The following LRRFIP1 variants were observed in gnomAD, a reference collection of about 807,000 sequenced individuals.
LRRFIP1 encodes the protein leucine-rich repeat flightless-interacting protein 1.
A neutral mutation model predicts 104.4 loss-of-function variants in LRRFIP1; 62 were observed. The observed-to-expected ratio is 0.59, with a 90% confidence interval of 0.48 to 0.73. LRRFIP1 has a LOEUF of 0.73. Ranked by LOEUF, LRRFIP1 falls within the 30% of genes least tolerant of loss-of-function variation. LRRFIP1 has a pLI of 0.00. For synonymous variants in LRRFIP1, 300 were observed against 299.0 expected (o/e 1.00, Z -0.03); for missense variants, 796 against 824.5 (o/e 0.97, Z 0.42).
chr2:237,774,192 T>C (rs1303487304), intron 22 of LRRFIP1, 166 bp from the exon 23 acceptor site: 1 of 594,530 alleles, frequency 1.7e-6, no homozygotes, highest in African/African-American at 1.9e-5. Flanking sequence ...TAACCAAGAA[T>C]AGCTTGCTTG....
At chr2:237,628,432 T>C (rs2081899213) in intron 1 of LRRFIP1, among the ~76,000 whole-genome samples, 1 of 119,730 alleles carries the variant, frequency 8.4e-6, no homozygotes, top group Non-Finnish European at 1.9e-5. Context: ...TTTGTACAAA[T>C]GCCTTTTTTT....
rs2094070452 is a variant in LRRFIP1, at chr2:237,711,275, A to G, written c.183+2645A>G. 6.6e-6 allele frequency among the ~76,000 whole-genome samples: 1 copy of G among 152,194 alleles called. No homozygotes were observed. Among genetic ancestry groups the G allele is most frequent in the African/African-American group, 2.4e-5 (1 of 41,450 alleles). On this transcript the variant is annotated intron_variant, in intron 2 of 23. Transcript: ENST00000308482. This position sits in a 1 kb window ranked among gnomAD's most constrained non-coding sequence, Gnocchi z 4.4. ...ATGGTTTGCCTTCTTCAGCATGAGT[A>G]CAGATGTCATTTGCTTAGTAGATGG...
At position 237,766,836 on chromosome 2, in the gene LRRFIP1, G is replaced by C. The variant is rs1186492671; in HGVS notation, c.1460-3107G>C. ...TCCAGTGTAATGACTTTATAGCCAAGCACAGTAATTGATATTACTGTGAAG... is the reference window on the plus strand; with the variant it reads ...TCCAGTGTAATGACTTTATAGCCAACCACAGTAATTGATATTACTGTGAAG... On this transcript the variant is annotated intron_variant, in intron 19 of 23. Coordinates refer to ENST00000308482, the MANE Select transcript of LRRFIP1 (RefSeq NM_001137550.2). The surrounding 1 kb of genome is among the most constrained non-coding windows in gnomAD (Gnocchi z 4.8). Among the ~76,000 whole-genome samples, 1 of 152,206 alleles carries C rather than the reference G, an allele frequency of 6.6e-6. No homozygotes were observed. The highest frequency in any genetic ancestry group is 2.4e-5 in the African/African-American group (1 of 41,448).
intron 20 of LRRFIP1, among the ~76,000 whole-genome samples, chr2:237,771,456 C>G (rs118031066): frequency 6.6e-6 from 1 of 151,502 alleles, no homozygotes; most frequent in South Asian, 2.1e-4. Flanking sequence ...TAAAGTGTAC[C>G]GGAGAATGCA....
intron 23 of LRRFIP1, among the ~76,000 whole-genome samples, chr2:237,775,694 C>T (rs72987103): frequency 0.12 from 17,964 of 152,046 alleles, 1,448 homozygotes; most frequent in East Asian, 0.41. Context: ...ACTAATTAGC[C>T]GGGTGCGGTG....
intron 3 of LRRFIP1, among the ~76,000 whole-genome samples, chr2:237,716,429 T>C (rs1317287267): frequency 6.6e-6 from 1 of 152,238 alleles, no homozygotes; most frequent in African/African-American, 2.4e-5. Context: ...ATTGAATTTT[T>C]AAAAGTATTG....
intron 4 of LRRFIP1, among the ~76,000 whole-genome samples, chr2:237,719,216 A>G (rs967090347): frequency 2.6e-5 from 4 of 152,246 alleles, no homozygotes; most frequent in African/African-American, 7.2e-5. Context: ...AAGTAGATTG[A>G]TTTAAATGGA....
intron 1 of LRRFIP1, among the ~76,000 whole-genome samples, chr2:237,680,767 AGCCCAGGAGTTGGAGACCAACCTGG>A (rs1474754005): frequency 6.6e-6 from 1 of 152,230 alleles, no homozygotes; most frequent in Non-Finnish European, 1.5e-5. Context: ...CCATCACTTG[AGCCCAGGAGTTGGAGACCAACCTGG>A]GCAACATGGT....
intron 11 of LRRFIP1, among the ~76,000 whole-genome samples, chr2:237,746,806 A>C (rs1043351080): frequency 2.0e-5 from 3 of 152,208 alleles, no homozygotes; most frequent in Admixed American, 6.5e-5. Flanking sequence ...GCCCGTGAAC[A>C]CATGGTCTTG....
At position 237,673,924 on chromosome 2, in the gene LRRFIP1, G is replaced by A. The variant is rs540901879; in HGVS notation, c.97-34620G>A. ...GACACTAAGGCTCTGTGCAGAGCGCGTCTACAAACACTGTCTATTGTCTCG... is the reference window on the plus strand; with the variant it reads ...GACACTAAGGCTCTGTGCAGAGCGCATCTACAAACACTGTCTATTGTCTCG... On this transcript the variant is annotated intron_variant, in intron 1 of 23. Transcript: ENST00000308482. Among the ~76,000 whole-genome samples, 7 of 152,028 alleles carry A rather than the reference G, an allele frequency of 4.6e-5. No individual in the cohort carries two copies. In the South Asian group the frequency reaches 1.5e-3, roughly 32 times the overall value.
At chr2:237,772,356 C>T (rs2060715819) in intron 21 of LRRFIP1, 158 bp downstream of exon 21, 1 of 606,396 alleles carries the variant, frequency 1.6e-6, no homozygotes, top group African/African-American at 1.8e-5. Context: ...GGTAGGTAGA[C>T]AGAACAATGG....
At chr2:237,689,698 C>A (rs1575497537) in intron 1 of LRRFIP1, among the ~76,000 whole-genome samples, 1 of 152,194 alleles carries the variant, frequency 6.6e-6, no homozygotes, top group East Asian at 1.9e-4. Flanking sequence ...TGGTGCCCAG[C>A]TTCCTTCCTG....
rs1037313540 is a variant in LRRFIP1, at chr2:237,717,037, A to G, written c.202-725A>G. On this transcript the variant is annotated intron_variant, in intron 3 of 23. Transcript: ENST00000308482. The surrounding 1 kb of genome is among the most constrained non-coding windows in gnomAD (Gnocchi z 4.2). ...TTTTGCAATTTTTTTTTTTTAGCTT[A>G]TCAGCTATCGTTAGTGTAGTTTATG... is the stretch of plus-strand genomic sequence containing the variant. Among the ~76,000 whole-genome samples the G allele has an allele frequency of 3.3e-5, 5 of 151,746 alleles. No homozygotes were observed. In the South Asian group the frequency reaches 8.3e-4, roughly 25 times the overall value.
At chr2:237,739,371 C>G (rs2095347151) in intron 11 of LRRFIP1, 62 bp downstream of exon 11, 5 of 1,383,032 alleles carry the variant, frequency 3.6e-6, no homozygotes, top group Non-Finnish European at 4.0e-6. Flanking sequence ...TTCCCTTATC[C>G]TCCTCTTCCA....
intron 1 of LRRFIP1, among the ~76,000 whole-genome samples, chr2:237,647,752 C>T (rs1477478185): frequency 3.5e-5 from 5 of 141,212 alleles, no homozygotes; most frequent in Admixed American, 6.9e-5. Flanking sequence ...AGCAGGGTCA[C>T]GCCCTGTCAC....
chr2:237,667,365 G>T (rs1201226091), intron 1 of LRRFIP1, among the ~76,000 whole-genome samples: 2 of 152,158 alleles, frequency 1.3e-5, no homozygotes, highest in Non-Finnish European at 2.9e-5. Flanking sequence ...CTTCATCCAT[G>T]TCCCTGCAAA....
At chr2:237,727,086 G>A (rs149159076) in intron 7 of LRRFIP1, among the ~76,000 whole-genome samples, 4 of 152,164 alleles carry the variant, frequency 2.6e-5, no homozygotes, top group East Asian at 1.9e-4. Context: ...GGCCGGGCGC[G>A]ATGGCTCACG....
intron 1 of LRRFIP1, among the ~76,000 whole-genome samples, chr2:237,634,036 T>C (rs1316074693): frequency 6.6e-6 from 1 of 152,238 alleles, no homozygotes; most frequent in Non-Finnish European, 1.5e-5. Flanking sequence ...CAGAGTAATA[T>C]ATGTTTTTAC....
chr2:237,663,124 TC>T (rs2149478294), intron 1 of LRRFIP1, among the ~76,000 whole-genome samples: 1 of 152,332 alleles, frequency 6.6e-6, no homozygotes, highest in East Asian at 1.9e-4. Context: ...TTGAATTCTT[TC>T]CTGAGCAAGG....
Sources: gnomAD v4.1 joint callset for allele counts (sites outside exome capture counted in the v4.1 genomes callset) on GRCh38, gnomAD v4.1.1 for gene constraint, Gnocchi (gnomAD v3.1) non-coding constraint, MANE v1.5 for transcripts, NCBI Gene and HGNC (gene_info 2026-07-23, HGNC 2026-07-21) for gene names.